The following GLRB variants were observed in gnomAD, a reference collection of about 807,000 sequenced individuals.
The protein encoded by GLRB is glycine receptor subunit beta.
In GLRB, 33 loss-of-function variants were observed where a neutral mutation model predicts 54.2. The ratio of observed to expected loss-of-function variants is 0.61; its 90% CI spans 0.46 to 0.81. The LOEUF is 0.81. Among genes scored for constraint, GLRB ranks in the 40% least tolerant of loss-of-function variants. The pLI, the probability that GLRB is intolerant of heterozygous loss-of-function variation, is 0.00. For missense variants in GLRB, 572 were observed against 584.6 expected (o/e 0.98, Z 0.22); for synonymous variants, 209 against 208.2 (o/e 1.00, Z -0.03).
At chr4:157,140,498 C>CACGT (rs1236343793) in intron 7 of GLRB, among the ~76,000 whole-genome samples, 15 of 151,902 alleles carry the variant, frequency 9.9e-5, no homozygotes, top group Admixed American at 9.8e-4. Context: ...CATATAAGAA[C>CACGT]ACGTACTTAG....
At chr4:157,150,673 A>G (rs893664900) in intron 8 of GLRB, among the ~76,000 whole-genome samples, 1 of 151,880 alleles carries the variant, frequency 6.6e-6, no homozygotes, top group Non-Finnish European at 1.5e-5. Context: ...TAATCTTTCA[A>G]TGTTTTCCTG....
intron 9 of GLRB, among the ~76,000 whole-genome samples, chr4:157,163,913 C>G (rs550281420): frequency 1.2e-4 from 18 of 151,608 alleles, no homozygotes; most frequent in Non-Finnish European, 2.4e-4. Context: ...AAAGGTATGT[C>G]TACTCTATCT....
At chr4:157,165,111 G>A (rs1737660178) in intron 9 of GLRB, among the ~76,000 whole-genome samples, 1 of 151,920 alleles carries the variant, frequency 6.6e-6, no homozygotes, top group Non-Finnish European at 1.5e-5. Context: ...GGACAAAAAT[G>A]CACTTTCCAG....
intron 2 of GLRB, among the ~76,000 whole-genome samples, chr4:157,087,571 C>T (rs1206502856): frequency 6.6e-6 from 1 of 152,138 alleles, no homozygotes; most frequent in East Asian, 1.9e-4. Context: ...AATTTTTAAC[C>T]ATTCAAGCCT....
At chr4:157,097,274 G>A (rs2126469879) in intron 2 of GLRB, among the ~76,000 whole-genome samples, 1 of 152,180 alleles carries the variant, frequency 6.6e-6, no homozygotes, top group East Asian at 1.9e-4. Flanking sequence ...TTCTCTACAT[G>A]TGGCATAAAA....
intron 3 of GLRB, among the ~76,000 whole-genome samples, 161 bp from the exon 4 acceptor site, chr4:157,122,169 T>A (rs188564994): frequency 5.9e-5 from 9 of 151,422 alleles, no homozygotes; most frequent in Admixed American, 5.9e-4. Flanking sequence ...GAAAAACAAG[T>A]TAATAGCAAT....
intron 2 of GLRB, among the ~76,000 whole-genome samples, chr4:157,091,068 A>G (rs1197505012): frequency 2.0e-5 from 3 of 152,146 alleles, no homozygotes; most frequent in African/African-American, 4.8e-5. Flanking sequence ...CTATTAATAG[A>G]TAGTTCAATC....
chr4:157,159,727 C>T (rs77917023), intron 9 of GLRB, among the ~76,000 whole-genome samples: 1 of 152,110 alleles, frequency 6.6e-6, no homozygotes, highest in Non-Finnish European at 1.5e-5. Context: ...CTGCTGGATT[C>T]GGTTTGCCAG....
chr4:157,122,906 G>A (rs1476814204), intron 4 of GLRB, among the ~76,000 whole-genome samples: 2 of 151,608 alleles, frequency 1.3e-5, no homozygotes, highest in Admixed American at 1.3e-4. Flanking sequence ...TGAAAAGATG[G>A]TGCAGCAAGA....
At chr4:157,088,421 A>G (rs905210499) in intron 2 of GLRB, among the ~76,000 whole-genome samples, 4 of 152,100 alleles carry the variant, frequency 2.6e-5, no homozygotes, top group African/African-American at 9.7e-5. Context: ...AGTGATCTAG[A>G]ATCTTGGTTG....
chr4:157,091,382 T>A (rs1477441296), intron 2 of GLRB: 2 of 152,238 alleles, frequency 1.3e-5, no homozygotes, highest in African/African-American at 4.8e-5. Flanking sequence ...ATGCAATGGC[T>A]GTGAGTACAT....
intron 9 of GLRB, among the ~76,000 whole-genome samples, chr4:157,163,453 A>C (rs987977615): frequency 6.6e-6 from 1 of 152,118 alleles, no homozygotes; most frequent in African/African-American, 2.4e-5. Context: ...CTTGGAACCT[A>C]TGATCATCAC....
rs572390914 is a variant in GLRB, at chr4:157,132,280, A to G, written c.298-4189A>G. On this transcript the variant is annotated intron_variant, in intron 4 of 9. Transcript: ENST00000264428. The stretch of plus-strand genomic sequence containing the variant: ...TGTTTTCTGATGGTTGAGTTTCAAG[A>G]GTTCTTTGTATATATCTTGGCCTTG... Among the ~76,000 whole-genome samples the G allele has an allele frequency of 3.3e-5, 5 of 151,662 alleles. No homozygotes were observed. The East Asian group carries it at 9.7e-4, about 30-fold the overall frequency.
At chr4:157,102,635 A>G (rs1309952770) in intron 2 of GLRB, among the ~76,000 whole-genome samples, 1 of 152,212 alleles carries the variant, frequency 6.6e-6, no homozygotes, top group East Asian at 1.9e-4. Flanking sequence ...TCAGGCAGGA[A>G]GCACAGCCTC....
At chr4:157,131,871 A>T (rs1055751888) in intron 4 of GLRB, among the ~76,000 whole-genome samples, 1 of 151,800 alleles carries the variant, frequency 6.6e-6, no homozygotes, top group Non-Finnish European at 1.5e-5. Flanking sequence ...ACTACAATAA[A>T]CATCCAAGTG....
chr4:157,093,549 G>T (rs970400575), intron 2 of GLRB, among the ~76,000 whole-genome samples: 1 of 152,024 alleles, frequency 6.6e-6, no homozygotes, highest in African/African-American at 2.4e-5. Context: ...GAGGTCAAGA[G>T]ATCGAGACCA....
At chr4:157,160,170 G>A (rs562284622) in intron 9 of GLRB, among the ~76,000 whole-genome samples, 11 of 152,054 alleles carry the variant, frequency 7.2e-5, no homozygotes, top group East Asian at 5.8e-4. Context: ...CTGCGGGATC[G>A]GTGGTGATAT....
intron 2 of GLRB, among the ~76,000 whole-genome samples, chr4:157,110,605 A>G (rs2126505740): frequency 6.6e-6 from 1 of 152,120 alleles, no homozygotes; most frequent in Non-Finnish European, 1.5e-5. Context: ...TCTGTCAAGT[A>G]ATTCATATAT....
chr4:157,166,036 A>G (rs192496779), intron 9 of GLRB, among the ~76,000 whole-genome samples: 1 of 152,162 alleles, frequency 6.6e-6, no homozygotes, highest in East Asian at 1.9e-4. Context: ...GCATAAAGTT[A>G]TTTGCTTTTA....
Sources: gnomAD v4.1 joint callset for allele counts (sites outside exome capture counted in the v4.1 genomes callset) on GRCh38, gnomAD v4.1.1 for gene constraint, MANE v1.5 for transcripts, NCBI Gene and HGNC (gene_info 2026-07-23, HGNC 2026-07-21) for gene names.